The following SRGAP3 variants were observed in gnomAD, a reference collection of about 807,000 sequenced individuals.
SRGAP3 encodes SLIT-ROBO Rho GTPase activating protein 3.
Under a neutral mutation model 121.1 loss-of-function variants are expected in SRGAP3, and 39 were observed. That is an observed-to-expected ratio of 0.32 (90% confidence interval 0.25 to 0.42). SRGAP3 has a LOEUF of 0.42. SRGAP3 is among the 10% of genes least tolerant of loss of function. The pLI is 1.00. For missense variants in SRGAP3, 1,213 were observed against 1,470.6 expected (o/e 0.82, Z 2.86); for synonymous variants, 601 against 570.0 (o/e 1.05, Z -0.77).
chr3:9,140,378 T>C (rs1431878548), intron 1 of SRGAP3, among the ~76,000 whole-genome samples: 3 of 152,200 alleles, frequency 2.0e-5, no homozygotes, highest in Non-Finnish European at 4.4e-5. Flanking sequence ...AAATAGGATG[T>C]AGGGTTTAGT....
chr3:9,141,558 GT>G (rs1345322100), intron 1 of SRGAP3, among the ~76,000 whole-genome samples: 13 of 33,148 alleles, frequency 3.9e-4, no homozygotes, highest in African/African-American at 4.2e-4. Flanking sequence ...TCAGGGGTGT[GT>G]GTGTGTGTGT....
chr3:9,317,782 C>T (rs984369334), intron 3 of SRGAP3, among the ~76,000 whole-genome samples: 31 of 152,304 alleles, frequency 2.0e-4, no homozygotes, highest in African/African-American at 7.0e-4. Context: ...GATGCTGATG[C>T]TGCTGGTCCA....
At chr3:9,180,558 C>G (rs914918719) in intron 1 of SRGAP3, among the ~76,000 whole-genome samples, 53 of 152,150 alleles carry the variant, frequency 3.5e-4, no homozygotes, top group African/African-American at 1.3e-3. Context: ...CCAGTTCCTA[C>G]AGGCAAGTTT....
chr3:9,251,507 T>C (rs567621358), upstream of SRGAP3, among the ~76,000 whole-genome samples: 85 of 152,254 alleles, frequency 5.6e-4, no homozygotes, highest in African/African-American at 1.9e-3. Flanking sequence ...GTTAAAACCA[T>C]ACACCTTGGA....
rs437140 is a variant in SRGAP3, at chr3:9,193,899, G to A, written c.67+54986C>T. 839 of 152,400 alleles carry A rather than the reference G, an allele frequency of 5.5e-3. 2 individuals are homozygous for A. The highest frequency in any genetic ancestry group is 9.3e-3 in the Non-Finnish European group (634 of 68,102). 9.4% of individuals were successfully genotyped at this position (152,400 alleles called of 1,614,324 possible). On this transcript the variant is annotated intron_variant, in intron 1 of 21. Coordinates refer to ENST00000383836, the MANE Select transcript of SRGAP3 (RefSeq NM_014850.4). The stretch of plus-strand genomic sequence containing the variant: ...AAACAGCAGCGCAGAGGCTGCAGCC[G>A]CCCTCGGAGGCAACACTGGGAAACG...
At chr3:9,180,864 C>T (rs943405496) in intron 1 of SRGAP3, among the ~76,000 whole-genome samples, 1 of 152,098 alleles carries the variant, frequency 6.6e-6, no homozygotes, top group African/African-American at 2.4e-5. Flanking sequence ...CTCAGCATCC[C>T]AAGTACACCA....
At chr3:9,356,230 C>T (rs1158632615) in intron 1 of SRGAP3, among the ~76,000 whole-genome samples, 1 of 139,314 alleles carries the variant, frequency 7.2e-6, no homozygotes, top group African/African-American at 2.8e-5. Flanking sequence ...ATCTCACTGT[C>T]ACCCAGGCTG....
chr3:9,104,833 C>T lies in SRGAP3; in HGVS notation c.270G>A (p.Gln90=). 1.9e-6 allele frequency: 3 copies of T among 1,614,244 alleles called. No individual in the cohort carries two copies. The South Asian group carries it at 3.3e-5, about 18-fold the overall frequency. The change falls in exon 3 of 22, where the codon CAG becomes CAA. Residue 90 remains glutamine (Q), a synonymous_variant. Coordinates refer to ENST00000383836, the MANE Select transcript of SRGAP3 (RefSeq NM_014850.4). ...SSREHQFKKD[Q]YLLSPVNCWY... ...AACAGTTCACAGGCGAGAGGAGGTA[C>T]TGGTCCTTCCTGTGGAAACCAAGAA... is the stretch of plus-strand genomic sequence containing the variant.
chr3:9,345,568 A>G (rs1955871215), intron 1 of SRGAP3, among the ~76,000 whole-genome samples: 1 of 151,976 alleles, frequency 6.6e-6, no homozygotes. Flanking sequence ...GGATCACTTG[A>G]GGCCAGGAGT....
chr3:9,274,661 A>C (rs1223975348), intron 3 of SRGAP3, among the ~76,000 whole-genome samples: 1 of 152,196 alleles, frequency 6.6e-6, no homozygotes, highest in African/African-American at 2.4e-5. Flanking sequence ...AGGAGGAATG[A>C]GGTTGCACAA....
At chr3:9,089,503 A>G (rs1482797966) in intron 3 of SRGAP3, among the ~76,000 whole-genome samples, 1 of 152,158 alleles carries the variant, frequency 6.6e-6, no homozygotes, top group African/African-American at 2.4e-5. Context: ...TGTAATGGAG[A>G]TGAGTCCAGA....
chr3:9,330,272 T>C (rs1163094751), intron 2 of SRGAP3, among the ~76,000 whole-genome samples: 1 of 152,198 alleles, frequency 6.6e-6, no homozygotes. Context: ...TACTACCAGT[T>C]CCTTTATGAC....
intron 1 of SRGAP3, among the ~76,000 whole-genome samples, chr3:9,149,439 C>T (rs771744552): frequency 1.1e-4 from 17 of 152,258 alleles, no homozygotes; most frequent in African/African-American, 3.4e-4. Context: ...TATCCATAAT[C>T]GTTGCCATGT....
At chr3:9,024,008 G>C (rs1178404235) in intron 14 of SRGAP3, among the ~76,000 whole-genome samples, 2 of 152,192 alleles carry the variant, frequency 1.3e-5, no homozygotes, top group African/African-American at 4.8e-5. Context: ...AGATGACCGA[G>C]AGGCAGAGAA....
At chr3:9,063,348 C>T (rs960161566) in intron 5 of SRGAP3, among the ~76,000 whole-genome samples, 11 of 151,860 alleles carry the variant, frequency 7.2e-5, no homozygotes, top group Middle Eastern at 3.2e-3. Flanking sequence ...AACCTGGTCT[C>T]GAACTCCTGG....
Position 9,255,580 on chromosome 3 carries a change from C to T in SRGAP3, n.442+70430G>A, listed in dbSNP as rs1424405304. ...CCCCTGGCTATCCCTGAACCAATCG[C>T]TGGAGCCAGGGGTGTTCTGCTTGGC... On this transcript the variant is annotated intron_variant and non_coding_transcript_variant, in intron 3 of 3. Transcript: ENST00000490889. Among the ~76,000 whole-genome samples the T allele has an allele frequency of 3.9e-5, 6 of 152,308 alleles. No individual in the cohort carries two copies. The East Asian group carries it at 1.2e-3, about 29-fold the overall frequency.
intron 1 of SRGAP3, among the ~76,000 whole-genome samples, chr3:9,341,285 G>A (rs1050338371): frequency 6.6e-6 from 1 of 151,240 alleles, no homozygotes; most frequent in Admixed American, 6.6e-5. Flanking sequence ...GACACTGAAG[G>A]TTCCTAGAAC....
intron 6 of SRGAP3, chr3:9,059,919 C>A (rs1310504354): frequency 5.5e-5 from 22 of 400,830 alleles, no homozygotes; most frequent in Admixed American, 4.3e-4. Context: ...CCCCCCTGAA[C>A]CCCTCAAACC....
At chr3:9,354,669 G>A (rs1172590337) in intron 1 of SRGAP3, among the ~76,000 whole-genome samples, 8 of 132,312 alleles carry the variant, frequency 6.0e-5, no homozygotes, top group South Asian at 2.3e-4. Flanking sequence ...GTGACAGAGC[G>A]AGACTCCATC....
Sources: gnomAD v4.1 joint callset for allele counts (sites outside exome capture counted in the v4.1 genomes callset) on GRCh38, gnomAD v4.1.1 for gene constraint, MANE v1.5 for transcripts, NCBI Gene and HGNC (gene_info 2026-07-23, HGNC 2026-07-21) for gene names.